C16orf96: variants seen among roughly 807,000 people sequenced by gnomAD.
C16orf96 encodes the protein chromosome 16 open reading frame 96, also known as uncharacterized protein C16orf96.
C16orf96 carries 108 observed loss-of-function variants against 103.6 expected under a neutral mutation model. The ratio of observed to expected loss-of-function variants is 1.04; its 90% CI spans 0.89 to 1.22. C16orf96 has a LOEUF of 1.22. Among genes scored for constraint, C16orf96 ranks in the 50% most tolerant of loss-of-function variants. The probability of loss-of-function intolerance (pLI) is 0.00; values close to 1 mark genes in which losing one functional copy is unlikely to be tolerated. For synonymous variants in C16orf96, 566 were observed against 593.5 expected (o/e 0.95, Z 0.67); for missense variants, 1,586 against 1,464.2 (o/e 1.08, Z -1.36).
intron 1 of C16orf96, among the ~76,000 whole-genome samples, chr16:4,558,072 A>G (rs916929685): frequency 1.3e-5 from 2 of 152,210 alleles, no homozygotes; most frequent in Non-Finnish European, 2.9e-5. Context: ...AGATAGACAC[A>G]AGTGAGTGAG....
At chr16:4,570,113 T>A (rs1387337727) in intron 1 of C16orf96, among the ~76,000 whole-genome samples, 1 of 152,124 alleles carries the variant, frequency 6.6e-6, no homozygotes, top group African/African-American at 2.4e-5. Flanking sequence ...AGAACTTTTT[T>A]ATTTTATTTT....
In C16orf96 at chr16:4,576,378, C is replaced by G. The variant is rs961671749; in HGVS notation, c.1898C>G (p.Thr633Arg). 1 of 1,550,918 alleles carries G rather than the reference C, an allele frequency of 6.4e-7. No individual in the cohort carries two copies. The highest frequency in any genetic ancestry group is 1.4e-5 in the African/African-American group (1 of 73,070). ...VLGAGPSRGA[T>R]ESQILGDDSE... Reference sequence around the variant, plus strand: ...GGTGCAGGGCCTTCCCGGGGAGCCACAGAATCCCAGATCTTGGGCGATGAT... The same window carrying G: ...GGTGCAGGGCCTTCCCGGGGAGCCAGAGAATCCCAGATCTTGGGCGATGAT... Residue 633 changes from threonine to arginine, a missense_variant, in exon 5 of 16, where the codon ACA becomes AGA. Coordinates refer to ENST00000444310, the MANE Select transcript of C16orf96 (RefSeq NM_001145011.2).
At chr16:4,584,569 C>G (rs1185785602) in intron 7 of C16orf96, among the ~76,000 whole-genome samples, 2 of 151,770 alleles carry the variant, frequency 1.3e-5, no homozygotes, top group African/African-American at 4.8e-5. Flanking sequence ...GAATTTCACT[C>G]TGTTGCCCAG....
At chr16:4,542,643 A>G in the C16orf96 span, among the ~76,000 whole-genome samples, 1 of 151,988 alleles carries the variant, frequency 6.6e-6, no homozygotes, top group Non-Finnish European at 1.5e-5. Context: ...CTAAAAATAC[A>G]AAAAATTAGC....
chr16:4,574,982 A>G lies in C16orf96; in HGVS notation c.617A>G (p.Gln206Arg), dbSNP rs1415464358. The G allele has an allele frequency of 1.3e-6, 2 of 1,551,306 alleles. No homozygotes were observed. Among genetic ancestry groups the G allele is most frequent in the African/African-American group, 2.7e-5 (2 of 73,054 alleles). Residue 206 changes from glutamine (Q) to arginine (R), a missense_variant, in exon 4 of 16, where the codon CAG becomes CGG. Transcript: ENST00000444310. ...VALQREVASL[Q>R]NKFKTIPKTE... is the part of the protein sequence containing the mutation. ...ACCCCCACCTTGCAGGCTTCTCTCC[A>G]GAATAAGTTTAAAACCATCCCCAAA...
chr16:4,556,796 T>G lies in C16orf96; in HGVS notation c.307T>G (p.Ser103Ala). The G allele has an allele frequency of 6.4e-7, 1 of 1,551,584 alleles. No homozygotes were observed. ...GCTGGCCCTGCTGCAGGACCTGCCC[T>G]CCACTGCCCAGCTGCTGGAAGCCAG... is the stretch of plus-strand genomic sequence containing the variant. ...NQLALLQDLP[S>A]TAQLLEASQG... is the part of the protein sequence containing the mutation. The change falls in exon 1 of 16, where the codon TCC becomes GCC. Residue 103 changes from serine (S) to alanine (A), a missense_variant. Physicochemically the swap from Ser to Ala is moderately conservative, Grantham distance 99. Transcript: ENST00000444310.
Position 4,573,768 on chromosome 16 carries a change from GAAAA to G in C16orf96, c.526-938_526-935del, listed in dbSNP as rs1475559013. The stretch of plus-strand genomic sequence containing the variant: ...CTCTGTCTCAAAAAAAAAAAAAAAA[GAAAA>G]AAGAAAAGAAAAACAATGCCTTATT... On this transcript the variant is annotated intron_variant, in intron 2 of 15. Coordinates refer to ENST00000444310, the MANE Select transcript of C16orf96 (RefSeq NM_001145011.2). Among the ~76,000 whole-genome samples the G allele has an allele frequency of 2.1e-5, 3 of 143,052 alleles. No individual in the cohort carries two copies. In the East Asian group the frequency reaches 6.3e-4, roughly 30 times the overall value. 93.8% of individuals were successfully genotyped at this position (143,052 alleles called of 152,430 possible).
intron 7 of C16orf96, among the ~76,000 whole-genome samples, chr16:4,582,385 G>A (rs2141737076): frequency 6.6e-6 from 1 of 152,268 alleles, no homozygotes; most frequent in African/African-American, 2.4e-5. Flanking sequence ...TTGCTGGGAT[G>A]CACTGGGGTG....
intron 7 of C16orf96, among the ~76,000 whole-genome samples, chr16:4,585,837 T>A (rs936205262): frequency 7.2e-5 from 11 of 152,060 alleles, no homozygotes; most frequent in Non-Finnish European, 1.6e-4. Flanking sequence ...GTGAAGCAAC[T>A]CAGGAGTGGA....
At chr16:4,541,290 G>A in the C16orf96 span, among the ~76,000 whole-genome samples, 3 of 152,112 alleles carry the variant, frequency 2.0e-5, no homozygotes, top group South Asian at 2.1e-4. Flanking sequence ...CATTATTTAT[G>A]GATTTTGTGT....
In C16orf96 at chr16:4,575,826, T is replaced by G; in HGVS notation, c.1346T>G (p.Leu449Arg). Reference sequence around the variant, plus strand: ...TATCAGTCTCGCCAGGGAGAAGCCCTCCAGCTCGCAGCTGTCCAAGTAAAG... The same window carrying G: ...TATCAGTCTCGCCAGGGAGAAGCCCGCCAGCTCGCAGCTGTCCAAGTAAAG... ...QPYQSRQGEA[L>R]QLAAVQVKGE... is the part of the protein sequence containing the mutation. The change falls in exon 5 of 16, where the codon CTC becomes CGC. Residue 449 changes from leucine (L) to arginine (R), a missense_variant. Physicochemically the swap from Leu to Arg is moderately radical, Grantham distance 102. Coordinates refer to ENST00000444310, the MANE Select transcript of C16orf96 (RefSeq NM_001145011.2). The G allele has an allele frequency of 6.4e-7, 1 of 1,551,212 alleles. No homozygotes were observed. Among genetic ancestry groups the G allele is most frequent in the South Asian group, 1.2e-5 (1 of 84,054 alleles).
intron 14 of C16orf96, among the ~76,000 whole-genome samples, chr16:4,596,336 T>C (rs1897171352): frequency 6.6e-6 from 1 of 151,950 alleles, no homozygotes; most frequent in African/African-American, 2.4e-5. Context: ...AATACAAAAA[T>C]TAGCCAGCCA....
the C16orf96 span, among the ~76,000 whole-genome samples, chr16:4,544,863 A>G: frequency 6.6e-6 from 1 of 152,108 alleles, no homozygotes; most frequent in Non-Finnish European, 1.5e-5. Flanking sequence ...TGGGGACTAG[A>G]TGAGACGATT....
chr16:4,546,771 C>G, the C16orf96 span, among the ~76,000 whole-genome samples: 1 of 151,840 alleles, frequency 6.6e-6, no homozygotes, highest in Non-Finnish European at 1.5e-5. Context: ...CACCCAACAG[C>G]TCTGGTTTTC....
At position 4,588,402 on chromosome 16, in the gene C16orf96, C is replaced by G. The variant is rs892019544; in HGVS notation, c.2592+71C>G. 2.7e-6 allele frequency: 4 copies of G among 1,473,000 alleles called. No individual in the cohort carries two copies. In the Admixed American group the frequency reaches 8.7e-5, roughly 32 times the overall value. The allele number at this position is 1,473,000 out of a possible 1,614,324, so 91.2% of individuals were successfully genotyped here. A position where few individuals can be genotyped will look rare whatever the true frequency, so the allele number is the denominator to read the frequency against. On this transcript the variant is annotated intron_variant, in intron 9 of 15. Coordinates refer to ENST00000444310, the MANE Select transcript of C16orf96 (RefSeq NM_001145011.2). ...CCCAGAACTTAGCAACTGCAAACAA[C>G]AAACGTTTTCAGTTTAGGAGGAGCA...
At chr16:4,548,197 T>G in the C16orf96 span, among the ~76,000 whole-genome samples, 1 of 152,152 alleles carries the variant, frequency 6.6e-6, no homozygotes, top group Non-Finnish European at 1.5e-5. Flanking sequence ...TGTTCCTGCC[T>G]CACTCGCTGT....
rs900591609 is a variant in C16orf96, at chr16:4,593,430, C to G, written c.2867+114C>G. 1 of 1,061,792 alleles carries G rather than the reference C, an allele frequency of 9.4e-7. No individual in the cohort carries two copies. The highest frequency in any genetic ancestry group is 1.6e-5 in the African/African-American group (1 of 63,698). 65.8% of individuals were successfully genotyped at this position (1,061,792 alleles called of 1,614,324 possible). A position where few individuals can be genotyped will look rare whatever the true frequency, so the allele number is the denominator to read the frequency against. ...TCCAGGCCCAGGGACCTAAGATTGT[C>G]CTGGACATGGCCAGCCCTTCGCAAG... On this transcript the variant is annotated intron_variant, in intron 12 of 15. Transcript: ENST00000444310. This position sits in a 1 kb window ranked among gnomAD's most constrained non-coding sequence, Gnocchi z 4.2.
chr16:4,564,619 T>C (rs2059368079), intron 1 of C16orf96, among the ~76,000 whole-genome samples: 2 of 152,198 alleles, frequency 1.3e-5, no homozygotes, highest in African/African-American at 2.4e-5. Flanking sequence ...CAGGCCAGCC[T>C]GGCCGATGTG....
chr16:4,547,448 T>G, the C16orf96 span, among the ~76,000 whole-genome samples: 1 of 148,784 alleles, frequency 6.7e-6, no homozygotes, highest in Non-Finnish European at 1.5e-5. Context: ...ACTTATTGTG[T>G]GATTCAGTTT....
Sources: gnomAD v4.1 joint callset for allele counts (sites outside exome capture counted in the v4.1 genomes callset) on GRCh38, gnomAD v4.1.1 for gene constraint, Gnocchi (gnomAD v3.1) non-coding constraint, MANE v1.5 for transcripts, NCBI Gene and HGNC (gene_info 2026-07-23, HGNC 2026-07-21) for gene names.